Variants in DLGAP2 observed in about 807,000 individuals in gnomAD.
DLGAP2 encodes the protein disks large-associated protein 2.
Under a neutral mutation model 100.3 loss-of-function variants are expected in DLGAP2, and 26 were observed. The observed-to-expected ratio is 0.26, with a 90% CI of 0.19 to 0.36. The LOEUF is 0.36. Among genes scored for constraint, DLGAP2 ranks in the 10% least tolerant of loss-of-function variants. The pLI is 1.00. For synonymous variants in DLGAP2, 886 were observed against 630.1 expected (o/e 1.41, Z -6.08); for missense variants, 1,858 against 1,453.2 (o/e 1.28, Z -4.53).
At chr8:1,086,467 CAT>C (rs1803977971) in intron 2 of DLGAP2, among the ~76,000 whole-genome samples, 2 of 152,044 alleles carry the variant, frequency 1.3e-5, no homozygotes, top group African/African-American at 4.8e-5. Context: ...AATCAAAACA[CAT>C]AGAGTGAATA....
intron 2 of DLGAP2, among the ~76,000 whole-genome samples, chr8:971,266 C>G (rs73176510): frequency 1.0e-3 from 155 of 152,190 alleles, no homozygotes; most frequent in Non-Finnish European, 1.8e-3. Context: ...GACTAATAAC[C>G]CAACTGAAAA....
chr8:1,581,142 C>T (rs1473494505), intron 6 of DLGAP2, among the ~76,000 whole-genome samples: 2 of 151,484 alleles, frequency 1.3e-5, no homozygotes, highest in Admixed American at 6.6e-5. Context: ...CTACACACCA[C>T]AGTCAAACTA....
chr8:1,006,452 A>C (rs1014016408), intron 2 of DLGAP2, among the ~76,000 whole-genome samples: 8 of 130,860 alleles, frequency 6.1e-5, no homozygotes, highest in African/African-American at 2.3e-4. Flanking sequence ...CCTGCATCTC[A>C]AGTCTTGGTA....
chr8:1,255,415 CTGTGTG>C (rs1238384674), intron 2 of DLGAP2, among the ~76,000 whole-genome samples: 6 of 134,596 alleles, frequency 4.5e-5, no homozygotes, highest in African/African-American at 5.5e-5. Flanking sequence ...TGCCTGGGTG[CTGTGTG>C]TGTGTCCTCA....
intron 4 of DLGAP2, among the ~76,000 whole-genome samples, chr8:1,525,625 A>T (rs1800768985): frequency 6.6e-6 from 1 of 152,254 alleles, no homozygotes; most frequent in East Asian, 1.9e-4. Flanking sequence ...CAGAAAGAAT[A>T]GTAGATTTAA....
chr8:1,458,296 A>T (rs989284036), intron 3 of DLGAP2, among the ~76,000 whole-genome samples: 4 of 152,072 alleles, frequency 2.6e-5, no homozygotes, highest in Non-Finnish European at 5.9e-5. Flanking sequence ...AATTCTGGTC[A>T]TTGAAGTTAG....
intron 3 of DLGAP2, among the ~76,000 whole-genome samples, chr8:1,491,077 C>CAAAAAAAAAAAAAAAAAAA (rs386411871): frequency 1.6e-5 from 1 of 64,512 alleles, no homozygotes; most frequent in Admixed American, 2.0e-4. Flanking sequence ...AACTGGAAAC[C>CAAAAAAAAAAAAAAAAAAA]AAAAAAAAAA....
chr8:1,482,028 A>G (rs1003242007), intron 3 of DLGAP2, among the ~76,000 whole-genome samples: 4 of 152,170 alleles, frequency 2.6e-5, no homozygotes, highest in Admixed American at 1.3e-4. Flanking sequence ...TCCTCGGGGG[A>G]AAGTTGGTGA....
At chr8:1,674,052 C>G (rs994123990) in intron 10 of DLGAP2, among the ~76,000 whole-genome samples, 1 of 152,078 alleles carries the variant, frequency 6.6e-6, no homozygotes, top group Non-Finnish European at 1.5e-5. Flanking sequence ...ATCTTTAGAA[C>G]CATCTTTATT....
At chr8:1,004,540 C>G (rs796337339) in intron 2 of DLGAP2, among the ~76,000 whole-genome samples, 3 of 152,320 alleles carry the variant, frequency 2.0e-5, no homozygotes, top group African/African-American at 7.2e-5. Flanking sequence ...CTGGAATCTC[C>G]CTTTGGCCTC....
intron 3 of DLGAP2, among the ~76,000 whole-genome samples, chr8:1,346,784 G>A (rs1239106981): frequency 6.6e-6 from 1 of 151,446 alleles, no homozygotes; most frequent in East Asian, 2.0e-4. Context: ...ATACAGAACT[G>A]CTTTGAACTC....
chr8:966,703 T>C (rs1799880543), intron 2 of DLGAP2, among the ~76,000 whole-genome samples: 1 of 152,196 alleles, frequency 6.6e-6, no homozygotes. Flanking sequence ...GGTGGAGTCT[T>C]TTACATCTGG....
In DLGAP2 at chr8:1,112,327, G is replaced by T. The variant is rs2123053; in HGVS notation, c.74-146524G>T. Among the ~76,000 whole-genome samples the T allele has an allele frequency of 9.8e-3, 1,322 of 134,626 alleles. 23 individuals are homozygous for T. The highest frequency in any genetic ancestry group is 0.035 in the African/African-American group (1,256 of 35,882). The allele number at this position is 134,626 out of a possible 152,430, so 88.3% of individuals were successfully genotyped here. ...GTGATCTTGGCTCACTGCAAGCTCC[G>T]CCTCCCCGGTTCATGCCATACTCCT... is the stretch of plus-strand genomic sequence containing the variant. On this transcript the variant is annotated intron_variant, in intron 2 of 14. Coordinates refer to ENST00000637795, the MANE Select transcript of DLGAP2 (RefSeq NM_001346810.2).
chr8:949,706 C>G (rs555551076), intron 2 of DLGAP2, among the ~76,000 whole-genome samples: 2 of 152,308 alleles, frequency 1.3e-5, no homozygotes, highest in Admixed American at 1.3e-4. Context: ...CCCCGGTTGT[C>G]CTCAGGTCAG....
chr8:1,211,616 C>T (rs1381904614), intron 2 of DLGAP2, among the ~76,000 whole-genome samples: 3 of 152,232 alleles, frequency 2.0e-5, no homozygotes, highest in Admixed American at 6.5e-5. Context: ...TGGCACACGC[C>T]TGTAATCCCA....
intron 1 of DLGAP2, among the ~76,000 whole-genome samples, chr8:871,638 C>T (rs1029122959): frequency 3.9e-5 from 6 of 151,940 alleles, no homozygotes; most frequent in South Asian, 2.1e-4. Flanking sequence ...TGGAGCATTT[C>T]GGATTTGGAT....
Position 979,987 on chromosome 8 carries a change from T to G in DLGAP2, c.73+72021T>G, listed in dbSNP as rs563841855. Among the ~76,000 whole-genome samples, 5 of 152,228 alleles carry G rather than the reference T, an allele frequency of 3.3e-5. No homozygotes were observed. In the South Asian group the frequency reaches 1.0e-3, roughly 32 times the overall value. On this transcript the variant is annotated intron_variant, in intron 2 of 14. Transcript: ENST00000637795. The stretch of plus-strand genomic sequence containing the variant: ...GAACCATGGAGCTGCTAAGGGGAGA[T>G]GTCTGTCTGCAACCTCTAGGACTTG...
intron 1 of DLGAP2, among the ~76,000 whole-genome samples, chr8:858,553 A>C (rs1347668873): frequency 6.7e-6 from 1 of 149,240 alleles, no homozygotes; most frequent in Non-Finnish European, 1.5e-5. Flanking sequence ...CACCGTGGGC[A>C]CATGTGTGAT....
At chr8:1,565,624 C>T (rs1237227075) in intron 5 of DLGAP2, 59 bp from the exon 6 acceptor site, 3 of 1,385,056 alleles carry the variant, frequency 2.2e-6, no homozygotes, top group Non-Finnish European at 2.0e-6. Flanking sequence ...CAAAAAGGAG[C>T]TGATGCTGCC....
Sources: gnomAD v4.1 joint callset for allele counts (sites outside exome capture counted in the v4.1 genomes callset) on GRCh38, gnomAD v4.1.1 for gene constraint, MANE v1.5 for transcripts, NCBI Gene and HGNC (gene_info 2026-07-23, HGNC 2026-07-21) for gene names.